Variants in ALG3 observed in about 807,000 individuals in gnomAD.
ALG3 encodes dol-P-Man:Man(5)GlcNAc(2)-PP-Dol alpha-1,3-mannosyltransferase.
Under a neutral mutation model 50.5 loss-of-function variants are expected in ALG3, and 39 were observed. The observed-to-expected ratio is 0.77, with a 90% CI of 0.60 to 1.01. The LOEUF (loss-of-function observed/expected upper bound fraction) is 1.01, where lower values mean the gene tolerates loss of function less well. Among genes scored for constraint, ALG3 ranks in the 50% least tolerant of loss-of-function variants. The probability of loss-of-function intolerance (pLI) is 0.00; values close to 1 mark genes in which losing one functional copy is unlikely to be tolerated. For missense variants in ALG3, 520 were observed against 554.8 expected (o/e 0.94, Z 0.63); for synonymous variants, 252 against 237.2 (o/e 1.06, Z -0.58).
In ALG3 at chr3:184,242,420, G is replaced by C. The variant is rs1718835454; in HGVS notation, c.*94C>G. The C allele has an allele frequency of 6.8e-7, 1 of 1,471,696 alleles. No homozygotes were observed. Among genetic ancestry groups the C allele is most frequent in the East Asian group, 2.4e-5 (1 of 41,138 alleles). 91.2% of individuals were successfully genotyped at this position (1,471,696 alleles called of 1,614,324 possible). On this transcript the variant is annotated 3_prime_UTR_variant, in exon 9 of 9. Coordinates refer to ENST00000397676, the MANE Select transcript of ALG3 (RefSeq NM_005787.6). ...CCCCCACCTCCATGTAGGTTGCACA[G>C]AGTTGGACTTAGCAAGGTTTATTTG...
intron 1 of ALG3, among the ~76,000 whole-genome samples, chr3:184,246,087 C>T (rs753717427): frequency 5.3e-5 from 8 of 152,172 alleles, no homozygotes; most frequent in Admixed American, 3.3e-4. Context: ...TACCAGGTCA[C>T]GAACCTGAGT....
intron 7 of ALG3, 191 bp downstream of exon 7, chr3:184,243,363 G>C (rs1346925348): frequency 1.6e-6 from 1 of 611,622 alleles, no homozygotes; most frequent in Non-Finnish European, 2.9e-6. Flanking sequence ...CATAAGAGTA[G>C]CTCGTATTTA....
intron 3 of ALG3, 26 bp from the exon 4 acceptor site, chr3:184,245,384 A>G (rs1364139533): frequency 6.2e-7 from 1 of 1,613,346 alleles, no homozygotes; most frequent in South Asian, 1.1e-5. Context: ...AGTAAGGTAC[A>G]AGGTCAGCTC....
intron 1 of ALG3, among the ~76,000 whole-genome samples, chr3:184,246,903 T>G (rs1213610133): frequency 6.6e-6 from 1 of 151,874 alleles, no homozygotes; most frequent in African/African-American, 2.4e-5. Context: ...CAGGCTGGTT[T>G]GTTTGTTTGT....
chr3:184,246,724 T>G (rs1301121492), intron 1 of ALG3, among the ~76,000 whole-genome samples: 1 of 151,478 alleles, frequency 6.6e-6, no homozygotes, highest in Non-Finnish European at 1.5e-5. Flanking sequence ...TCACCCAGAC[T>G]GGAGTGCAGT....
Position 184,242,935 on chromosome 3 carries a change from G to A in ALG3, c.1032C>T (p.Thr344=). 2 of 1,613,590 alleles carry A rather than the reference G, an allele frequency of 1.2e-6. No homozygotes were observed. The highest frequency in any genetic ancestry group is 1.7e-6 in the Non-Finnish European group (2 of 1,179,772). Residue 344 remains threonine, a synonymous_variant, in exon 8 of 9, where the codon ACC becomes ACT. Coordinates refer to ENST00000397676, the MANE Select transcript of ALG3 (RefSeq NM_005787.6). ...TPNQIVSTLF[T]SNFIGICFSR... ...TGAAGCAGATGCCAATGAAGTTGGA[G>A]GTGAAGAGGGTAGAAACGATCTGTA...
rs372929338 is a variant in ALG3, at chr3:184,242,808, G to A, written c.1154+5C>T. 1.7e-5 allele frequency: 27 copies of A among 1,613,526 alleles called. No homozygotes were observed. The African/African-American group carries it at 3.1e-4, about 18-fold the overall frequency. ...CCCACTCCCCCAGGTTGTCCCAGCT[G>A]GTACCTGAGCAGGTGTGTGAGCCAG... On this transcript the variant is annotated splice_donor_5th_base_variant and intron_variant, in intron 8 of 8. Coordinates refer to ENST00000397676, the MANE Select transcript of ALG3 (RefSeq NM_005787.6).
chr3:184,243,082 C>A, intron 7 of ALG3, 125 bp from the exon 8 acceptor site: 1 of 1,348,766 alleles, frequency 7.4e-7, no homozygotes, highest in Non-Finnish European at 1.0e-6. Context: ...TGCCTTTGGG[C>A]AAGTTTATTA....
At position 184,245,093 on chromosome 3, in the gene ALG3, G is replaced by A. The variant is rs758478414; in HGVS notation, c.605+105C>T. The A allele has an allele frequency of 4.2e-6, 6 of 1,435,242 alleles. No homozygotes were observed. In the African/African-American group the frequency reaches 8.5e-5, roughly 20 times the overall value. 88.9% of individuals were successfully genotyped at this position (1,435,242 alleles called of 1,614,324 possible). A position where few individuals can be genotyped will look rare whatever the true frequency, so the allele number is the denominator to read the frequency against. On this transcript the variant is annotated intron_variant, in intron 4 of 8. Transcript: ENST00000397676. ...GGACTCGCTTTGTGGAGCCCTGAGTGACCCATGCTGTCTTGGCTACTCCTT... is the reference window on the plus strand; with the variant it reads ...GGACTCGCTTTGTGGAGCCCTGAGTAACCCATGCTGTCTTGGCTACTCCTT...
At chr3:184,243,721 G>C in intron 6 of ALG3, 70 bp downstream of exon 6, 2 of 1,592,712 alleles carry the variant, frequency 1.3e-6, no homozygotes, top group Non-Finnish European at 1.7e-6. Context: ...CTTCCCCCAA[G>C]CAGCCCCTAA....
rs758021045 is a variant in ALG3, at chr3:184,245,747, A to G, written c.262T>C (p.Tyr88His). 6 of 1,613,692 alleles carry G rather than the reference A, an allele frequency of 3.7e-6. No individual in the cohort carries two copies. The highest frequency in any genetic ancestry group is 5.1e-6 in the Non-Finnish European group (6 of 1,179,800). Residue 88 changes from tyrosine to histidine, a missense_variant, in exon 2 of 9, where the codon TAT (tyrosine) becomes CAT (histidine). Physicochemically the swap from Tyr to His is moderately conservative, Grantham distance 83. Transcript: ENST00000397676. ...VEGVINGTYD[Y>H]TQLQGDTGPL... ...CCGGTGTCACCCTGCAGTTGGGTAT[A>G]GTCATAGGTACCATTGATGACGCCT...
At chr3:184,243,683 T>C (rs41266259) in intron 6 of ALG3, 53 bp from the exon 7 acceptor site, 5 of 1,606,842 alleles carry the variant, frequency 3.1e-6, no homozygotes, top group South Asian at 1.1e-5. Context: ...AGTCAAACTC[T>C]AGACTCACCC....
At chr3:184,245,674 G>GCC (rs1252174374) in intron 2 of ALG3, 39 bp downstream of exon 2, 1 of 1,609,766 alleles carries the variant, frequency 6.2e-7, no homozygotes, top group African/African-American at 1.3e-5. Flanking sequence ...TACCTAACCA[G>GCC]CCCCTCACAT....
At chr3:184,243,410 C>T (rs139716781) in intron 7 of ALG3, 144 bp downstream of exon 7, 12 of 708,812 alleles carry the variant, frequency 1.7e-5, no homozygotes, top group African/African-American at 1.6e-4. Flanking sequence ...ATGTGAAGTG[C>T]TCAGCACAGT....
intron 5 of ALG3, 92 bp from the exon 6 acceptor site, chr3:184,244,088 G>A (rs1283095717): frequency 1.0e-5 from 13 of 1,288,820 alleles, no homozygotes; most frequent in African/African-American, 5.9e-5. Flanking sequence ...GGACGGGGAT[G>A]TAGGCCTCAG....
Position 184,242,600 on chromosome 3 carries a change from T to C in ALG3, c.1231A>G (p.Ile411Val), listed in dbSNP as rs369563338. The C allele has an allele frequency of 1.2e-5, 19 of 1,596,536 alleles. No homozygotes were observed. The highest frequency in any genetic ancestry group is 1.6e-5 in the Non-Finnish European group (19 of 1,168,466). The change falls in exon 9 of 9, where the codon ATA becomes GTA. Residue 411 changes from isoleucine to valine, a missense_variant. Transcript: ENST00000397676. ...STSCSSAALHICHAVILLQLW... is the reference protein window; with the variant it reads ...STSCSSAALHVCHAVILLQLW... The stretch of plus-strand genomic sequence containing the variant: ...TGCAGCAGGATGACGGCATGGCATA[T>C]GTGCAGGGCAGCAGAGCTGCAGGAT...
chr3:184,249,069 C>T, upstream of ALG3: 1 of 1,484,544 alleles, frequency 6.7e-7, no homozygotes, highest in Non-Finnish European at 9.2e-7. Flanking sequence ...TCTTCATTTA[C>T]TCCACTAAAA....
intron 5 of ALG3, 56 bp downstream of exon 5, chr3:184,244,545 A>C: frequency 3.2e-6 from 5 of 1,572,130 alleles, no homozygotes; most frequent in Non-Finnish European, 4.3e-6. Flanking sequence ...AGAGCCCCTC[A>C]ATCAAGACAA....
rs376342417 is a variant in ALG3, at chr3:184,243,933, G to A, written c.790C>T (p.Leu264Phe). 6.4e-5 allele frequency: 104 copies of A among 1,613,760 alleles called. No individual in the cohort carries two copies. The African/African-American group carries it at 1.1e-3, about 17-fold the overall frequency. ...CAGTGGAACAGAAACTGGCGGCCAA[G>A]GTCAAAGGAGCGGGACAGGTAGCCG... ...PSGYLSRSFD[L>F]GRQFLFHWTV... Residue 264 changes from leucine to phenylalanine, a missense_variant, in exon 6 of 9, where the codon CTT (leucine) becomes TTT (phenylalanine). Transcript: ENST00000397676.
Sources: gnomAD v4.1 joint callset for allele counts (sites outside exome capture counted in the v4.1 genomes callset) on GRCh38, gnomAD v4.1.1 for gene constraint, MANE v1.5 for transcripts, NCBI Gene and HGNC (gene_info 2026-07-23, HGNC 2026-07-21) for gene names.